The following KYAT1 variants were observed in gnomAD, a reference collection of about 807,000 sequenced individuals.
KYAT1 encodes the protein kynurenine aminotransferase 1.
Under a neutral mutation model 52.4 loss-of-function variants are expected in KYAT1, and 47 were observed. That is an observed-to-expected ratio of 0.90 (90% CI 0.71 to 1.14). The LOEUF (loss-of-function observed/expected upper bound fraction) is 1.14. Ranked by LOEUF, KYAT1 falls within the 50% of genes most tolerant of loss-of-function variation. The pLI, the probability that KYAT1 is intolerant of heterozygous loss-of-function variation, is 0.00. For missense variants in KYAT1, 480 were observed against 557.9 expected (o/e 0.86, Z 1.41); for synonymous variants, 212 against 209.6 (o/e 1.01, Z -0.10).
intron 1 of KYAT1, among the ~76,000 whole-genome samples, chr9:128,879,594 A>G (rs1286057799): frequency 6.6e-6 from 1 of 152,138 alleles, no homozygotes; most frequent in Non-Finnish European, 1.5e-5. Context: ...ATATTCTCCA[A>G]TCCTGTTGGT....
At chr9:128,838,670 G>A (rs1831575698) in intron 3 of KYAT1, among the ~76,000 whole-genome samples, 1 of 152,130 alleles carries the variant, frequency 6.6e-6, no homozygotes, top group African/African-American at 2.4e-5. Context: ...CAGACTCCAG[G>A]GTGCCAACCA....
chr9:128,863,071 C>T (rs1215810290), intron 1 of KYAT1, among the ~76,000 whole-genome samples: 2 of 152,000 alleles, frequency 1.3e-5, no homozygotes, highest in African/African-American at 2.4e-5. Flanking sequence ...TCATGATCCG[C>T]CCGCCTCGGC....
chr9:128,872,900 C>G (rs1230422746), intron 1 of KYAT1, among the ~76,000 whole-genome samples: 1 of 149,550 alleles, frequency 6.7e-6, no homozygotes, highest in South Asian at 2.1e-4. Context: ...TGATGAAACC[C>G]CGTCCCTACT....
chr9:128,880,161 T>C (rs1006505788), intron 1 of KYAT1, among the ~76,000 whole-genome samples: 3 of 152,280 alleles, frequency 2.0e-5, no homozygotes, highest in Middle Eastern at 6.8e-3. Context: ...GGCGGGGACA[T>C]GGAGGCCCAC....
Position 128,838,137 on chromosome 9 carries a change from C to A in KYAT1, c.352G>T (p.Val118Phe), listed in dbSNP as rs767835115. The change falls in exon 5 of 13, where the codon GTC becomes TTC. Residue 118 changes from valine to phenylalanine, a missense_variant and splice_region_variant. Coordinates refer to ENST00000302586, the MANE Select transcript of KYAT1 (RefSeq NM_004059.5). ...FQALVDEGDEVIIIEPFFDCY... is the reference protein window; with the variant it reads ...FQALVDEGDEFIIIEPFFDCY... ...TCAAAAAAGGGTTCGATGATGATGACCTGATATAAGGGTCAAATCAGCTGG... is the reference window on the plus strand; with the variant it reads ...TCAAAAAAGGGTTCGATGATGATGAACTGATATAAGGGTCAAATCAGCTGG... 5.0e-6 allele frequency: 8 copies of A among 1,614,002 alleles called. No individual in the cohort carries two copies.
intron 1 of KYAT1, chr9:128,846,600 C>CAAAAAAAAAAAAA (rs57333664): frequency 4.3e-5 from 18 of 419,206 alleles, no homozygotes; most frequent in East Asian, 1.1e-4. Flanking sequence ...AAGACTCTAC[C>CAAAAAAAAAAAAA]AAAAAAAAAA....
Position 128,835,791 on chromosome 9 carries a change from G to T in KYAT1, c.843C>A (p.Pro281=), listed in dbSNP as rs1014794196. Residue 281 remains proline, a synonymous_variant, in exon 9 of 13, where the codon CCC becomes CCA. Transcript: ENST00000302586. ...TVHQNSVFHC[P]TQSQAAVAES... is the part of the protein sequence containing the mutation. ...TGCCCCTCTTCACCTGGCTCTGCGTGGGGCAGTGGAAGACGGAGTTCTGGT... is the reference window on the plus strand; with the variant it reads ...TGCCCCTCTTCACCTGGCTCTGCGTTGGGCAGTGGAAGACGGAGTTCTGGT... 1.2e-6 allele frequency: 2 copies of T among 1,613,004 alleles called. No individual in the cohort carries two copies. The highest frequency in any genetic ancestry group is 1.3e-5 in the African/African-American group (1 of 74,910).
Position 128,833,231 on chromosome 9 carries a change from G to A in KYAT1, c.*353C>T, listed in dbSNP as rs1395835536. 1 of 389,716 alleles carries A rather than the reference G, an allele frequency of 2.6e-6. No homozygotes were observed. Among genetic ancestry groups the A allele is most frequent in the African/African-American group, 2.0e-5 (1 of 49,462 alleles). The allele number at this position is 389,716 out of a possible 1,614,324, so 24.1% of individuals were successfully genotyped here. A position where few individuals can be genotyped will look rare whatever the true frequency, so the allele number is the denominator to read the frequency against. Reference sequence around the variant, plus strand: ...CCAGGGAAGGTGAGGTTATACCTGAGCCTTAGCAGGGGCCATGCAGAGCTG... The same window carrying A: ...CCAGGGAAGGTGAGGTTATACCTGAACCTTAGCAGGGGCCATGCAGAGCTG... On this transcript the variant is annotated 3_prime_UTR_variant, in exon 13 of 13. Transcript: ENST00000302586.
intron 1 of KYAT1, among the ~76,000 whole-genome samples, chr9:128,865,472 C>T (rs1392646618): frequency 4.1e-5 from 6 of 147,032 alleles, no homozygotes; most frequent in South Asian, 2.1e-4. Flanking sequence ...AAGCGATTCT[C>T]GTGCCTCAGC....
rs1207068299 is a variant in KYAT1 at position 128,837,722 on chromosome 9, G to T, written c.530C>A (p.Ala177Asp). 1.2e-6 allele frequency: 2 copies of T among 1,614,030 alleles called. No homozygotes were observed. The highest frequency in any genetic ancestry group is 8.5e-7 in the Non-Finnish European group (1 of 1,180,016). ...GTTGTTGGGGGTGTTGAGGACCAGG[G>T]CTTTGGTGCGTGATGTGAATTTGCC... ...LAGKFTSRTK[A>D]LVLNTPNNPL... Residue 177 changes from alanine (A) to aspartate (D), a missense_variant, in exon 6 of 13, where the codon GCC (alanine) becomes GAC (aspartate). Transcript: ENST00000302586.
chr9:128,865,098 C>T (rs544902026), intron 1 of KYAT1, among the ~76,000 whole-genome samples: 154 of 148,186 alleles, frequency 1.0e-3, no homozygotes, highest in Non-Finnish European at 1.5e-3. Flanking sequence ...TGGTGGTGCA[C>T]GTCTGTAGTC....
intron 1 of KYAT1, among the ~76,000 whole-genome samples, 198 bp downstream of exon 1, chr9:128,881,699 G>A (rs1424371735): frequency 6.6e-6 from 1 of 152,182 alleles, no homozygotes; most frequent in East Asian, 1.9e-4. Flanking sequence ...CAGCCCCAGT[G>A]TCCGAGCGAG....
intron 1 of KYAT1, among the ~76,000 whole-genome samples, chr9:128,857,494 C>T (rs1274224165): frequency 6.6e-6 from 1 of 152,176 alleles, no homozygotes; most frequent in African/African-American, 2.4e-5. Context: ...CATGCGTGAG[C>T]CATGTGCCCT....
chr9:128,879,909 C>T (rs1211201050), intron 1 of KYAT1, among the ~76,000 whole-genome samples: 1 of 152,178 alleles, frequency 6.6e-6, no homozygotes, highest in Non-Finnish European at 1.5e-5. Context: ...GCTCACCCAG[C>T]ACAGAGTAGG....
Position 128,835,371 on chromosome 9 carries a change from C to G in KYAT1, c.1074G>C (p.Val358=). 6.2e-7 allele frequency: 1 copy of G among 1,614,038 alleles called. No individual in the cohort carries two copies. Among genetic ancestry groups the G allele is most frequent in the Non-Finnish European group, 8.5e-7 (1 of 1,180,022 alleles). ...KRKMPDLPGA[V]DEPYDRRFVK... Reference sequence around the variant, plus strand: ...CGAAGCGTCTGTCATAGGGCTCATCCACAGCTCCAGGCAAGTCAGGCATCT... The same window carrying G: ...CGAAGCGTCTGTCATAGGGCTCATCGACAGCTCCAGGCAAGTCAGGCATCT... The change falls in exon 11 of 13, where the codon GTG becomes GTC. Residue 358 remains valine, a synonymous_variant. Transcript: ENST00000302586.
chr9:128,873,522 C>A (rs1489859529), intron 1 of KYAT1, among the ~76,000 whole-genome samples: 1 of 151,966 alleles, frequency 6.6e-6, no homozygotes, highest in Non-Finnish European at 1.5e-5. Flanking sequence ...GTAATCCCAG[C>A]ACTTTGGGAG....
In KYAT1 at chr9:128,874,381, G is replaced by A. The variant is rs570105733; in HGVS notation, c.-7+7516C>T. On this transcript the variant is annotated intron_variant, in intron 1 of 12. Transcript: ENST00000302586. ...GGCTGGAGTGCAGTGGTGTGATCTC[G>A]GCTCACTGCAGCCTCAACCTACCGG... Among the ~76,000 whole-genome samples the A allele has an allele frequency of 6.7e-5, 10 of 149,314 alleles. No individual in the cohort carries two copies. In the East Asian group the frequency reaches 1.7e-3, roughly 25 times the overall value.
intron 1 of KYAT1, among the ~76,000 whole-genome samples, chr9:128,852,406 C>G (rs1456350582): frequency 6.6e-6 from 1 of 152,172 alleles, no homozygotes; most frequent in Non-Finnish European, 1.5e-5. Context: ...TAATAAAGAA[C>G]CAGCCAGGTT....
intron 3 of KYAT1, among the ~76,000 whole-genome samples, chr9:128,839,564 G>A (rs1831759199): frequency 6.6e-6 from 1 of 152,142 alleles, no homozygotes; most frequent in Non-Finnish European, 1.5e-5. Flanking sequence ...GGCGGAGCTT[G>A]CAGTGAGCCG....
Sources: allele counts gnomAD v4.1 joint callset (sites outside exome capture counted in the v4.1 genomes callset), GRCh38; gene constraint gnomAD v4.1.1; transcripts MANE v1.5; gene names NCBI Gene and HGNC (gene_info 2026-07-23, HGNC 2026-07-21).